FBXO10: variants seen among roughly 807,000 people sequenced by gnomAD.
FBXO10 encodes F-box protein 10.
Under a neutral mutation model 80.7 loss-of-function variants are expected in FBXO10, and 39 were observed. The ratio of observed to expected loss-of-function variants is 0.48; its 90% confidence interval spans 0.37 to 0.63. The LOEUF (loss-of-function observed/expected upper bound fraction) is 0.63, where lower values mean the gene tolerates loss of function less well. Ranked by LOEUF, FBXO10 falls within the 30% of genes least tolerant of loss-of-function variation. The probability of loss-of-function intolerance (pLI) is 0.00; values close to 1 mark genes in which losing one functional copy is unlikely to be tolerated. For synonymous variants in FBXO10, 449 were observed against 489.6 expected (o/e 0.92, Z 1.09); for missense variants, 1,025 against 1,269.0 (o/e 0.81, Z 2.92).
intron 1 of FBXO10, among the ~76,000 whole-genome samples, chr9:37,548,265 A>G (rs957582495): frequency 6.6e-6 from 1 of 151,926 alleles, no homozygotes; most frequent in African/African-American, 2.4e-5. Context: ...TGCACCTGTA[A>G]TCCCAGTTAC....
rs1477419875 is a variant in FBXO10 at position 37,512,284 on chromosome 9, G to A, written c.*263C>T. The A allele has an allele frequency of 9.0e-6, 3 of 333,600 alleles. No homozygotes were observed. The highest frequency in any genetic ancestry group is 1.6e-5 in the Non-Finnish European group (3 of 183,618). 20.7% of individuals were successfully genotyped at this position (333,600 alleles called of 1,614,324 possible). ...CCTGACCAAAAGCTTCAGCATTTGAGCTTCCCCCGCTCTTCACAATCTTTA... is the reference window on the plus strand; with the variant it reads ...CCTGACCAAAAGCTTCAGCATTTGAACTTCCCCCGCTCTTCACAATCTTTA... On this transcript the variant is annotated 3_prime_UTR_variant, in exon 11 of 11. Transcript: ENST00000432825.
chr9:37,521,459 A>T, intron 8 of FBXO10, 110 bp downstream of exon 8: 1 of 1,303,434 alleles, frequency 7.7e-7, no homozygotes, highest in Non-Finnish European at 1.0e-6. Context: ...CTTTGACATT[A>T]AAGTTTACTT....
chr9:37,543,702 C>A (rs964522067), intron 1 of FBXO10, among the ~76,000 whole-genome samples: 60 of 152,310 alleles, frequency 3.9e-4, no homozygotes, highest in African/African-American at 1.4e-3. Context: ...AAGCTGGCTT[C>A]ATTTACTTGT....
Position 37,522,559 on chromosome 9 carries a change from G to T in FBXO10, c.1930+266C>A, listed in dbSNP as rs1055584567. ...AGGGCTGAAATGGTCCTGTCCTTAA[G>T]ACATGACACAACTCCTGTCTTTTGC... On this transcript the variant is annotated intron_variant, in intron 7 of 10. Coordinates refer to ENST00000432825, the MANE Select transcript of FBXO10 (RefSeq NM_012166.3). 7 of 1,254,690 alleles carry T rather than the reference G, an allele frequency of 5.6e-6. No individual in the cohort carries two copies. In the African/African-American group the frequency reaches 1.1e-4, roughly 19 times the overall value. The allele number at this position is 1,254,690 out of a possible 1,614,324, so 77.7% of individuals were successfully genotyped here.
In FBXO10 at chr9:37,538,891, G is replaced by C. The variant is rs190646289; in HGVS notation, c.586-948C>G. ...AGTCAGTTATTATCATCTGGGGTCA[G>C]GGACACAAGGAGCAGAGTGTCCTCA... On this transcript the variant is annotated intron_variant, in intron 2 of 10. Coordinates refer to ENST00000432825, the MANE Select transcript of FBXO10 (RefSeq NM_012166.3). Among the ~76,000 whole-genome samples the C allele has an allele frequency of 1.8e-4, 28 of 152,256 alleles. No homozygotes were observed. In the East Asian group the frequency reaches 5.2e-3, roughly 28 times the overall value.
At chr9:37,574,378 T>C (rs985531956) in intron 1 of FBXO10, among the ~76,000 whole-genome samples, 1 of 152,182 alleles carries the variant, frequency 6.6e-6, no homozygotes, top group Non-Finnish European at 1.5e-5. Flanking sequence ...CTTGAGCATT[T>C]ATTGCTTAAC....
chr9:37,554,165 G>A (rs1822279839), intron 1 of FBXO10, among the ~76,000 whole-genome samples: 1 of 152,140 alleles, frequency 6.6e-6, no homozygotes, highest in African/African-American at 2.4e-5. Context: ...ACGGTGAACA[G>A]TTCCAACACC....
rs781225957 is a variant in FBXO10, at chr9:37,522,864, C to T, written c.1891G>A (p.Asp631Asn). 3.9e-6 allele frequency: 6 copies of T among 1,554,972 alleles called. No individual in the cohort carries two copies. The highest frequency in any genetic ancestry group is 2.4e-5 in the South Asian group (2 of 84,152). Residue 631 changes from aspartate to asparagine, a missense_variant, in exon 7 of 11, where the codon GAC (aspartate) becomes AAC (asparagine). Around this residue, in one of 3 missense-constraint regions of FBXO10, gnomAD observed 478 missense variants for 667.8 expected, o/e 0.72. Coordinates refer to ENST00000432825, the MANE Select transcript of FBXO10 (RefSeq NM_012166.3). ...FGYSDGVVVG[D>N]EGKGLIEGNT... ...CCTTCTATGAGGCCTTTGCCTTCGT[C>T]TCCCACAACCACACCATCTGAATAG... is the stretch of plus-strand genomic sequence containing the variant.
intron 1 of FBXO10, among the ~76,000 whole-genome samples, chr9:37,565,816 G>A (rs1157158802): frequency 1.3e-5 from 2 of 152,140 alleles, no homozygotes; most frequent in Non-Finnish European, 2.9e-5. Flanking sequence ...TATCTGAACT[G>A]GACTCTGAAA....
chr9:37,570,170 G>C (rs1408540746), intron 1 of FBXO10, among the ~76,000 whole-genome samples: 2 of 152,106 alleles, frequency 1.3e-5, no homozygotes, highest in African/African-American at 4.8e-5. Context: ...CATTAGCTGG[G>C]CATGGTGGCG....
chr9:37,527,390 C>T (rs10973395), intron 5 of FBXO10, among the ~76,000 whole-genome samples: 86,469 of 151,988 alleles, frequency 0.57, 26,251 homozygotes, highest in Middle Eastern at 0.71. Context: ...GGTCCTCTGC[C>T]GTCCAGCAAC....
At chr9:37,512,765 C>T in intron 10 of FBXO10, 44 bp from the exon 11 acceptor site, 2 of 1,587,414 alleles carry the variant, frequency 1.3e-6, no homozygotes, top group Middle Eastern at 1.9e-4. Flanking sequence ...GAGGGGTGTG[C>T]AGTGCTGGCT....
intron 1 of FBXO10, among the ~76,000 whole-genome samples, chr9:37,560,005 A>G (rs1306442652): frequency 2.0e-5 from 3 of 151,660 alleles, no homozygotes; most frequent in Non-Finnish European, 4.4e-5. Context: ...TGACTTCACT[A>G]CTCTTCCCCA....
rs1821807461 is a variant in FBXO10 at position 37,537,718 on chromosome 9, T to G, written c.811A>C (p.Lys271Gln). The G allele has an allele frequency of 1.9e-6, 3 of 1,613,876 alleles. No homozygotes were observed. The Admixed American group carries it at 5.0e-5, about 27-fold the overall frequency. ...GACTTGATAAGCCCTAGTAGATACT[T>G]GTAGGCCCAGTTCTTATCTGCAGAT... The part of the protein sequence containing the change: ...HPSADKNWAY[K>Q]YLLGLIKSSP... Residue 271 changes from lysine (K) to glutamine (Q), a missense_variant, in exon 3 of 11, where the codon AAG becomes CAG. By Grantham distance (53) the Lys-to-Gln change is moderately conservative. Transcript: ENST00000432825.
intron 3 of FBXO10, among the ~76,000 whole-genome samples, chr9:37,534,261 T>C (rs1020135117): frequency 2.0e-5 from 3 of 152,180 alleles, no homozygotes; most frequent in Admixed American, 1.3e-4. Context: ...AATGGTAAGG[T>C]TTCAGCTTCT....
Position 37,512,580 on chromosome 9 carries a change from G to T in FBXO10, c.2838C>A (p.His946Gln), listed in dbSNP as rs764078758. 1.9e-6 allele frequency: 3 copies of T among 1,614,036 alleles called. No individual in the cohort carries two copies. Among genetic ancestry groups the T allele is most frequent in the Non-Finnish European group, 2.5e-6 (3 of 1,179,888 alleles). The part of the protein sequence containing the change: ...RITARVEGGY[H>Q]SNRSVFCTIL The stretch of plus-strand genomic sequence containing the variant: ...TGGTGCAGAAGACACTGCGGTTGCT[G>T]TGGTAACCACCTTCCACCCGGGCTG... Residue 946 changes from histidine (H) to glutamine (Q), a missense_variant, in exon 11 of 11, where the codon CAC (histidine) becomes CAA (glutamine). Physicochemically the swap from His to Gln is conservative, Grantham distance 24. Transcript: ENST00000432825.
In FBXO10 at chr9:37,573,270, G is replaced by A. The variant is rs140950240; in HGVS notation, c.-7+2941C>T. On this transcript the variant is annotated intron_variant, in intron 1 of 10. Coordinates refer to ENST00000432825, the MANE Select transcript of FBXO10 (RefSeq NM_012166.3). ...ATGACCATGACCAAGGTTGCTAGCA[G>A]GAAGGGCCCCAAATGCCCTAAAAGA... Among the ~76,000 whole-genome samples the A allele has an allele frequency of 1.8e-4, 27 of 152,322 alleles. No individual in the cohort carries two copies. In the East Asian group the frequency reaches 5.2e-3, roughly 29 times the overall value.
chr9:37,556,140 T>C (rs1461966438), intron 1 of FBXO10, among the ~76,000 whole-genome samples: 1 of 152,214 alleles, frequency 6.6e-6, no homozygotes, highest in African/African-American at 2.4e-5. Context: ...CAAACAATGG[T>C]AGTGTGGGAT....
intron 2 of FBXO10, among the ~76,000 whole-genome samples, chr9:37,538,656 C>T (rs975054769): frequency 6.9e-5 from 10 of 144,162 alleles, no homozygotes; most frequent in South Asian, 2.2e-4. Flanking sequence ...TGCAGTGAGC[C>T]GAGATTGCGC....
Sources: allele counts gnomAD v4.1 joint callset (sites outside exome capture counted in the v4.1 genomes callset), GRCh38; gene constraint gnomAD v4.1.1; regional missense constraint gnomAD v4.1.1; transcripts MANE v1.5; gene names NCBI Gene and HGNC (gene_info 2026-07-23, HGNC 2026-07-21).